The following NF1 variants were observed in gnomAD, a reference collection of about 807,000 sequenced individuals.
NF1 encodes the protein neurofibromin.
A neutral mutation model predicts 325.7 loss-of-function variants in NF1; 122 were observed. The ratio of observed to expected loss-of-function variants is 0.37; its 90% confidence interval spans 0.32 to 0.44. The LOEUF (loss-of-function observed/expected upper bound fraction) is 0.44, where lower values mean the gene tolerates loss of function less well. NF1 is among the 20% of genes least tolerant of loss of function. NF1 has a pLI of 1.00. For synonymous variants in NF1, 1,091 were observed against 1,186.0 expected, an observed-to-expected ratio of 0.92 and a Z score of 1.65; for missense variants, 2,140 against 3,415.4, an observed-to-expected ratio of 0.63 and a Z score of 9.31.
intron 57 of NF1, among the ~76,000 whole-genome samples, chr17:31,366,154 C>T (rs907374428): frequency 2.0e-5 from 3 of 151,888 alleles, no homozygotes; most frequent in Admixed American, 6.6e-5. Flanking sequence ...ATGCTGGTCT[C>T]GAACTCCTGA....
In NF1 at chr17:31,235,751, A is replaced by C; in HGVS notation, c.3849A>C (p.Lys1283Asn). The part of the protein sequence containing the change: ...TLFRGNSLAS[K>N]IMTFCFKVYG... ...TCCGAGGCAACAGCTTGGCCAGTAA[A>C]ATAATGACATTCTGTTTCAAGGTTT... Residue 1283 changes from lysine to asparagine, a missense_variant, in exon 28 of 58, where the codon AAA becomes AAC. Physicochemically the swap from Lys to Asn is moderately conservative, Grantham distance 94 (BLOSUM62 0). Around this residue, in one of 10 missense-constraint regions of NF1, gnomAD observed 336 missense variants for 399.0 expected, o/e 0.84. Coordinates refer to ENST00000358273, the MANE Select transcript of NF1 (RefSeq NM_001042492.3). The C allele has an allele frequency of 6.2e-7, 1 of 1,614,152 alleles. No homozygotes were observed. Among genetic ancestry groups the C allele is most frequent in the Non-Finnish European group, 8.5e-7 (1 of 1,180,020 alleles).
At chr17:31,264,170 G>C (rs1314398423) in intron 35 of NF1, among the ~76,000 whole-genome samples, 1 of 152,256 alleles carries the variant, frequency 6.6e-6, no homozygotes, top group Admixed American at 6.5e-5. Context: ...AGGCCGAGGT[G>C]GGTAGATCAC....
intron 36 of NF1, among the ~76,000 whole-genome samples, chr17:31,292,041 C>T (rs2068353440): frequency 1.3e-5 from 2 of 152,098 alleles, no homozygotes; most frequent in African/African-American, 4.8e-5. Context: ...TGAATTATGT[C>T]ATTTAATCTT....
chr17:31,315,487 G>A (rs529385736), intron 36 of NF1, among the ~76,000 whole-genome samples: 5 of 152,254 alleles, frequency 3.3e-5, no homozygotes, highest in African/African-American at 9.6e-5. Context: ...TTCACGTTGC[G>A]TGACTGTATC....
At chr17:31,223,709 A>C in intron 16 of NF1, 142 bp downstream of exon 16, 1 of 777,618 alleles carries the variant, frequency 1.3e-6, no homozygotes, top group Non-Finnish European at 2.1e-6. Flanking sequence ...ATATGTATGC[A>C]GAGGACAATG....
intron 8 of NF1, among the ~76,000 whole-genome samples, chr17:31,184,661 A>AG (rs1491416823): frequency 7.1e-6 from 1 of 140,644 alleles, no homozygotes; most frequent in Non-Finnish European, 1.6e-5. Context: ...AAAAAAAAAT[A>AG]AAAAAAAAAA....
chr17:31,224,878 A>C (rs1390221366), intron 16 of NF1, among the ~76,000 whole-genome samples: 6 of 152,130 alleles, frequency 3.9e-5, no homozygotes. Flanking sequence ...ACTGTTTCTG[A>C]TGATTTAGAG....
At chr17:31,308,241 G>A (rs750022908) in intron 36 of NF1, among the ~76,000 whole-genome samples, 5 of 151,780 alleles carry the variant, frequency 3.3e-5, no homozygotes, top group Admixed American at 2.0e-4. Context: ...GGGTTCAAGC[G>A]ATTCTTGTGC....
chr17:31,227,543 A>T lies in NF1; in HGVS notation c.2346A>T (p.Ala782=), dbSNP rs1201234374. The change falls in exon 20 of 58, where the codon GCA becomes GCT. Residue 782 remains alanine (A), a synonymous_variant. Coordinates refer to ENST00000358273, the MANE Select transcript of NF1 (RefSeq NM_001042492.3). ...TTTAGGCTTGGGAAGATACACATGC[A>T]AAATGGGAACAAGCAACAAAGCTAA... ...GNTEAWEDTH[A]KWEQATKLIL... is the part of the protein sequence containing the mutation. 1 of 1,613,888 alleles carries T rather than the reference A, an allele frequency of 6.2e-7. No individual in the cohort carries two copies. The highest frequency in any genetic ancestry group is 1.1e-5 in the South Asian group (1 of 91,088).
intron 7 of NF1, 65 bp downstream of exon 7, chr17:31,181,850 C>T (rs2143780228): frequency 8.8e-7 from 1 of 1,131,026 alleles, no homozygotes; most frequent in Non-Finnish European, 1.3e-6. Context: ...ACATAAAAAC[C>T]TATCATCGTT....
chr17:31,282,900 T>C (rs1398654361), intron 36 of NF1, among the ~76,000 whole-genome samples: 1 of 152,220 alleles, frequency 6.6e-6, no homozygotes, highest in Non-Finnish European at 1.5e-5. Context: ...AGAGTTTGAA[T>C]TTCTGTACAT....
chr17:31,102,931 C>T (rs1406372680), intron 1 of NF1, among the ~76,000 whole-genome samples: 1 of 151,780 alleles, frequency 6.6e-6, no homozygotes, highest in African/African-American at 2.4e-5. Context: ...CTGCAAGCTC[C>T]ACCTTCTGGG....
chr17:31,230,473 A>G, intron 23 of NF1, 91 bp downstream of exon 23: 2 of 1,478,280 alleles, frequency 1.4e-6, no homozygotes, highest in Non-Finnish European at 1.9e-6. Context: ...TTATTGGTAG[A>G]AAGGAGGACA....
chr17:31,220,441 A>G (rs2066902306), intron 14 of NF1, among the ~76,000 whole-genome samples: 1 of 152,148 alleles, frequency 6.6e-6, no homozygotes, highest in Admixed American at 6.5e-5. Flanking sequence ...TTCAATTTCT[A>G]TCACTTTAAA....
At chr17:31,143,531 C>T (rs1367660534) in intron 1 of NF1, among the ~76,000 whole-genome samples, 1 of 151,938 alleles carries the variant, frequency 6.6e-6, no homozygotes, top group Non-Finnish European at 1.5e-5. Flanking sequence ...TCAGCCTCCC[C>T]AAAGTGCTGG....
intron 39 of NF1, among the ~76,000 whole-genome samples, chr17:31,333,642 A>G (rs775448047): frequency 6.6e-6 from 1 of 152,228 alleles, no homozygotes; most frequent in Admixed American, 6.5e-5. Context: ...TTGGTTCTCC[A>G]TCTGATGGAA....
At chr17:31,121,909 T>C (rs1405896208) in intron 1 of NF1, among the ~76,000 whole-genome samples, 1 of 152,208 alleles carries the variant, frequency 6.6e-6, no homozygotes, top group Non-Finnish European at 1.5e-5. Flanking sequence ...ACAAAAATTA[T>C]TCTGGTTCTG....
At chr17:31,365,297 A>AAAAAAAAAAAG (rs397975647) in intron 57 of NF1, among the ~76,000 whole-genome samples, 1 of 148,744 alleles carries the variant, frequency 6.7e-6, no homozygotes, top group African/African-American at 2.5e-5. Flanking sequence ...AAAAAAAAAA[A>AAAAAAAAAAAG]GAAGGAAAGA....
chr17:31,251,052 G>A (rs897586969), intron 30 of NF1: 2 of 195,192 alleles, frequency 1.0e-5, no homozygotes, highest in Non-Finnish European at 2.1e-5. Flanking sequence ...AACAGGGAAT[G>A]TTACATTTAC....
Sources: gnomAD v4.1 joint callset for allele counts (sites outside exome capture counted in the v4.1 genomes callset) on GRCh38, gnomAD v4.1.1 for gene constraint, gnomAD v4.1.1 regional missense constraint, MANE v1.5 for transcripts, NCBI Gene and HGNC (gene_info 2026-07-23, HGNC 2026-07-21) for gene names.